Variants in ADGRB3 observed in about 807,000 individuals in gnomAD.
ADGRB3 encodes the protein adhesion G protein-coupled receptor B3, also known as brain-specific angiogenesis inhibitor 3.
Under a neutral mutation model 193.4 loss-of-function variants are expected in ADGRB3, and 37 were observed. The observed-to-expected ratio is 0.19, with a 90% CI of 0.15 to 0.25. The LOEUF is 0.25. Among genes scored for constraint, ADGRB3 ranks in the 10% least tolerant of loss-of-function variants. The probability of loss-of-function intolerance (pLI) is 1.00; values close to 1 mark genes in which losing one functional copy is unlikely to be tolerated. For synonymous variants in ADGRB3, 690 were observed against 644.2 expected (o/e 1.07, Z -1.08); for missense variants, 1,637 against 1,852.9 (o/e 0.88, Z 2.14).
chr6:69,279,311 G>A (rs80034129), intron 20 of ADGRB3, among the ~76,000 whole-genome samples: 4,341 of 151,678 alleles, frequency 0.029, 187 homozygotes, highest in African/African-American at 0.098. Flanking sequence ...AGTGCACTAC[G>A]GAGTATCAGT....
At chr6:68,687,614 C>T (rs1765006345) in intron 3 of ADGRB3, among the ~76,000 whole-genome samples, 1 of 152,072 alleles carries the variant, frequency 6.6e-6, no homozygotes. Flanking sequence ...GAATTAAGCA[C>T]ATAATTAGCC....
At chr6:68,714,498 T>C (rs2127318643) in intron 3 of ADGRB3, among the ~76,000 whole-genome samples, 1 of 151,600 alleles carries the variant, frequency 6.6e-6, no homozygotes, top group African/African-American at 2.4e-5. Flanking sequence ...ATTGAGGAGG[T>C]AGAAAAAACA....
intron 3 of ADGRB3, among the ~76,000 whole-genome samples, chr6:68,668,238 C>T (rs1768848983): frequency 6.6e-6 from 1 of 151,900 alleles, no homozygotes; most frequent in African/African-American, 2.4e-5. Context: ...CTTTCATGGC[C>T]ATCTTTATGG....
intron 3 of ADGRB3, among the ~76,000 whole-genome samples, chr6:68,662,445 GAA>G (rs1768686488): frequency 6.6e-6 from 1 of 151,506 alleles, no homozygotes; most frequent in South Asian, 2.1e-4. Flanking sequence ...ATATTGAAAA[GAA>G]AAATCAGAAT....
rs191416158 is a variant in ADGRB3 at position 68,833,251 on chromosome 6, T to C, written c.758-97308T>C. Among the ~76,000 whole-genome samples the C allele has an allele frequency of 5.9e-5, 9 of 152,154 alleles. No individual in the cohort carries two copies. The East Asian group carries it at 1.7e-3, about 29-fold the overall frequency. On this transcript the variant is annotated intron_variant, in intron 3 of 31. Coordinates refer to ENST00000370598, the MANE Select transcript of ADGRB3 (RefSeq NM_001704.3). ...TTATTTTTAAATAATACAGATTATTTCATCCAAGATAGAACAAGCATTTTT... is the reference window on the plus strand; with the variant it reads ...TTATTTTTAAATAATACAGATTATTCCATCCAAGATAGAACAAGCATTTTT...
intron 3 of ADGRB3, among the ~76,000 whole-genome samples, chr6:68,641,316 C>T (rs1007738533): frequency 1.3e-5 from 2 of 151,738 alleles, no homozygotes; most frequent in African/African-American, 4.8e-5. Flanking sequence ...ATCATGATCC[C>T]GAGATGTGGG....
At chr6:68,855,137 T>G (rs1214274829) in intron 3 of ADGRB3, among the ~76,000 whole-genome samples, 1 of 152,222 alleles carries the variant, frequency 6.6e-6, no homozygotes, top group Admixed American at 6.5e-5. Context: ...TGTCCCTTTA[T>G]GAAAATCAAG....
At chr6:69,348,773 A>G (rs1004753178) in intron 26 of ADGRB3, among the ~76,000 whole-genome samples, 3 of 152,184 alleles carry the variant, frequency 2.0e-5, no homozygotes, top group African/African-American at 7.2e-5. Context: ...TTGTTAAACT[A>G]ATAACTGGAG....
intron 12 of ADGRB3, among the ~76,000 whole-genome samples, chr6:69,015,686 C>G (rs77673353): frequency 0.013 from 1,928 of 152,012 alleles, 21 homozygotes; most frequent in South Asian, 0.03. Context: ...GGAAAATGAG[C>G]TGAGTAAAAT....
At chr6:68,952,987 A>G (rs1767974282) in intron 6 of ADGRB3, among the ~76,000 whole-genome samples, 1 of 152,134 alleles carries the variant, frequency 6.6e-6, no homozygotes, top group Admixed American at 6.5e-5. Context: ...TTTTATTATT[A>G]TTGATGCAGT....
chr6:69,116,075 C>A (rs1311014890), intron 17 of ADGRB3, among the ~76,000 whole-genome samples: 3 of 152,194 alleles, frequency 2.0e-5, no homozygotes, highest in Non-Finnish European at 2.9e-5. Flanking sequence ...GGAAGACCAG[C>A]AGACTGGTAC....
chr6:68,838,948 G>A lies in ADGRB3; in HGVS notation c.758-91611G>A, dbSNP rs117636400. On this transcript the variant is annotated intron_variant, in intron 3 of 31. Transcript: ENST00000370598. ...CTAAACTAATAGTGAAGCCAAATTG[G>A]CTTTCAGTTCCAAGTCAACACAAAA... is the stretch of plus-strand genomic sequence containing the variant. Among the ~76,000 whole-genome samples the A allele has an allele frequency of 3.6e-3, 551 of 152,096 alleles. 2 individuals carry two copies. The highest frequency in any genetic ancestry group is 4.4e-3 in the Non-Finnish European group (301 of 67,976).
chr6:69,105,863 G>A (rs1474993942), intron 17 of ADGRB3, among the ~76,000 whole-genome samples: 1 of 152,126 alleles, frequency 6.6e-6, no homozygotes, highest in African/African-American at 2.4e-5. Flanking sequence ...AATAACATGC[G>A]GTGGCTCATA....
intron 8 of ADGRB3, among the ~76,000 whole-genome samples, chr6:68,958,072 G>A (rs1768128380): frequency 6.6e-6 from 1 of 151,984 alleles, no homozygotes; most frequent in South Asian, 2.1e-4. Flanking sequence ...GTGGTGGCAT[G>A]CACCTGTAAT....
intron 20 of ADGRB3, among the ~76,000 whole-genome samples, chr6:69,293,595 T>A (rs1767740715): frequency 6.6e-6 from 1 of 152,186 alleles, no homozygotes; most frequent in African/African-American, 2.4e-5. Flanking sequence ...TGGCTCCATT[T>A]CGTTCTCTAA....
At chr6:69,264,460 T>C (rs1465192493) in intron 20 of ADGRB3, among the ~76,000 whole-genome samples, 3 of 151,992 alleles carry the variant, frequency 2.0e-5, no homozygotes, top group African/African-American at 2.4e-5. Context: ...TTTTCTATTC[T>C]TCTTTATGCT....
chr6:68,951,398 C>G (rs1767914054), intron 6 of ADGRB3, among the ~76,000 whole-genome samples: 1 of 152,096 alleles, frequency 6.6e-6, no homozygotes, highest in Non-Finnish European at 1.5e-5. Context: ...CCCTCTTTAT[C>G]ACGTTGTCTT....
intron 17 of ADGRB3, among the ~76,000 whole-genome samples, chr6:69,124,186 CT>C (rs916830063): frequency 4.0e-5 from 6 of 151,624 alleles, no homozygotes; most frequent in African/African-American, 9.7e-5. Flanking sequence ...AAATGAATGT[CT>C]TTTTTCCAAA....
At chr6:69,370,673 T>C (rs1353286731) in intron 29 of ADGRB3, among the ~76,000 whole-genome samples, 1 of 152,134 alleles carries the variant, frequency 6.6e-6, no homozygotes, top group Non-Finnish European at 1.5e-5. Context: ...TTCTAAATCT[T>C]TTTCACAAAA....
Sources: gnomAD v4.1 joint callset for allele counts (sites outside exome capture counted in the v4.1 genomes callset) on GRCh38, gnomAD v4.1.1 for gene constraint, MANE v1.5 for transcripts, NCBI Gene and HGNC (gene_info 2026-07-23, HGNC 2026-07-21) for gene names.